SLF1: variants seen among roughly 807,000 people sequenced by gnomAD.
SLF1 encodes SMC5-SMC6 complex localization factor protein 1.
In SLF1, 105 loss-of-function variants were observed where a neutral mutation model predicts 123.0. The observed-to-expected ratio is 0.85, with a 90% CI of 0.73 to 1.00. The LOEUF (loss-of-function observed/expected upper bound fraction) is 1.00, where lower values mean the gene tolerates loss of function less well. SLF1 is among the 50% of genes least tolerant of loss of function. The probability of loss-of-function intolerance (pLI) is 0.00; values close to 1 mark genes in which losing one functional copy is unlikely to be tolerated. For synonymous variants in SLF1, 434 were observed against 406.6 expected (o/e 1.07, Z -0.81); for missense variants, 1,239 against 1,223.0 (o/e 1.01, Z -0.20).
At chr5:94,652,623 A>T (rs1222139071) in intron 7 of SLF1, among the ~76,000 whole-genome samples, 1 of 152,118 alleles carries the variant, frequency 6.6e-6, no homozygotes, top group Non-Finnish European at 1.5e-5. Flanking sequence ...AAGTTTTTGC[A>T]ATTATGAACA....
rs137881277 is a variant in SLF1 at position 94,630,576 on chromosome 5, T to C, written c.264T>C (p.Tyr88=). Residue 88 remains tyrosine (Y), a synonymous_variant, in exon 4 of 21, where the codon TAT becomes TAC. Coordinates refer to ENST00000265140, the MANE Select transcript of SLF1 (RefSeq NM_032290.4). Reference sequence around the variant, plus strand: ...GCAGATGGCTTGATGAAACAACTTATGAATGGGGATATAAAATTGAAAAAG... The same window carrying C: ...GCAGATGGCTTGATGAAACAACTTACGAATGGGGATATAAAATTGAAAAAG... The part of the protein sequence containing the change: ...KSGRWLDETT[Y]EWGYKIEKDS... 88 of 1,551,644 alleles carry C rather than the reference T, an allele frequency of 5.7e-5. No homozygotes were observed. In the African/African-American group the frequency reaches 7.9e-4, roughly 14 times the overall value.
At chr5:94,655,943 T>G (rs1366064784) in intron 9 of SLF1, among the ~76,000 whole-genome samples, 1 of 152,142 alleles carries the variant, frequency 6.6e-6, no homozygotes, top group Non-Finnish European at 1.5e-5. Flanking sequence ...TTCTTTCTTT[T>G]CCTTGCCTGA....
intron 4 of SLF1, among the ~76,000 whole-genome samples, chr5:94,637,728 G>A (rs1745977196): frequency 6.6e-6 from 1 of 152,030 alleles, no homozygotes; most frequent in African/African-American, 2.4e-5. Flanking sequence ...TTAGCATCTC[G>A]TTCCCTAAAT....
intron 5 of SLF1, among the ~76,000 whole-genome samples, chr5:94,645,098 T>C (rs1256233424): frequency 6.6e-6 from 1 of 152,180 alleles, no homozygotes; most frequent in African/African-American, 2.4e-5. Context: ...CAGTCACTAG[T>C]TAGGAATGAG....
In SLF1 at chr5:94,696,470, A is replaced by G. The variant is rs1753515620; in HGVS notation, c.*1158A>G. On this transcript the variant is annotated 3_prime_UTR_variant, in exon 21 of 21. Transcript: ENST00000265140. ...GTACTTTTTCCACACATACTCAGGAAATACTAGTTTCTATTTAGCCTTCAA... is the reference window on the plus strand; with the variant it reads ...GTACTTTTTCCACACATACTCAGGAGATACTAGTTTCTATTTAGCCTTCAA... The G allele has an allele frequency of 6.6e-6, 1 of 151,860 alleles. No homozygotes were observed. Among genetic ancestry groups the G allele is most frequent in the Non-Finnish European group, 1.5e-5 (1 of 67,852 alleles). The allele number at this position is 151,860 out of a possible 1,614,324, so 9.4% of individuals were successfully genotyped here.
At position 94,670,208 on chromosome 5, in the gene SLF1, G is replaced by A. The variant is rs184935940; in HGVS notation, c.1590G>A (p.Lys530=). 272 of 1,533,746 alleles carry A rather than the reference G, an allele frequency of 1.8e-4. No individual in the cohort carries two copies. The African/African-American group carries it at 3.3e-3, about 19-fold the overall frequency. Residue 530 remains lysine (K), a synonymous_variant, in exon 13 of 21, where the codon AAG becomes AAA. Transcript: ENST00000265140. ...AAATTTCAGAAAATATTGGCTCCAA[G>A]GTGCTCCACCTGACGCTACTCAAAT... ...CHQISENIGS[K]VLHLTLLKFF...
intron 15 of SLF1, among the ~76,000 whole-genome samples, chr5:94,680,472 T>C (rs1751638800): frequency 6.6e-6 from 1 of 152,166 alleles, no homozygotes; most frequent in Non-Finnish European, 1.5e-5. Context: ...TTTTTATCCT[T>C]TTCAGAAAAC....
intron 5 of SLF1, 87 bp from the exon 6 acceptor site, chr5:94,649,364 GTAT>G (rs1256794776): frequency 1.8e-6 from 2 of 1,088,466 alleles, no homozygotes; most frequent in Admixed American, 6.7e-5. Flanking sequence ...GACTAACAAA[GTAT>G]TATAGTTAAA....
chr5:94,663,786 T>C lies in SLF1; in HGVS notation c.1246T>C (p.Leu416=). The change falls in exon 11 of 21, where the codon TTA becomes CTA. Residue 416 remains leucine, a synonymous_variant. Coordinates refer to ENST00000265140, the MANE Select transcript of SLF1 (RefSeq NM_032290.4). ...TGAATTTCCCAGAGGTGTATTAAATTTAATTGAAAGCCTCATAGAAGGACA... is the reference window on the plus strand; with the variant it reads ...TGAATTTCCCAGAGGTGTATTAAATCTAATTGAAAGCCTCATAGAAGGACA... ...NAEFPRGVLN[L]IESLIEGHFF... 6.5e-7 allele frequency: 1 copy of C among 1,546,672 alleles called. No homozygotes were observed. The highest frequency in any genetic ancestry group is 1.2e-5 in the South Asian group (1 of 82,244).
chr5:94,666,953 C>CTT (rs34215806), intron 12 of SLF1, among the ~76,000 whole-genome samples: 14,112 of 104,472 alleles, frequency 0.14, 1,014 homozygotes, highest in East Asian at 0.29. Flanking sequence ...CTGGGAAGAT[C>CTT]TTTTTTTTTT....
intron 1 of SLF1, among the ~76,000 whole-genome samples, chr5:94,626,725 G>A (rs989517921): frequency 6.6e-6 from 1 of 152,086 alleles, no homozygotes; most frequent in Non-Finnish European, 1.5e-5. Flanking sequence ...CATAACCTCC[G>A]AATTGACTTA....
At chr5:94,624,584 A>G (rs1792066924) in intron 1 of SLF1, among the ~76,000 whole-genome samples, 1 of 152,220 alleles carries the variant, frequency 6.6e-6, no homozygotes. Flanking sequence ...AAACAGCAAC[A>G]TAGTATATGT....
At position 94,695,718 on chromosome 5, in the gene SLF1, A is replaced by G. The variant is rs1753476457; in HGVS notation, c.*406A>G. 6.6e-6 allele frequency: 1 copy of G among 152,026 alleles called. No individual in the cohort carries two copies. The highest frequency in any genetic ancestry group is 2.4e-5 in the African/African-American group (1 of 41,404). 9.4% of individuals were successfully genotyped at this position (152,026 alleles called of 1,614,324 possible). A position where few individuals can be genotyped will look rare whatever the true frequency, so the allele number is the denominator to read the frequency against. On this transcript the variant is annotated 3_prime_UTR_variant, in exon 21 of 21. Transcript: ENST00000265140. ...TACAAATGCGTACCTATAAACTTGT[A>G]GCTCCTGACTCTTAGGGATGGATTT...
At position 94,663,785 on chromosome 5, in the gene SLF1, T is replaced by C. The variant is rs1341184833; in HGVS notation, c.1245T>C (p.Asn415=). 1.9e-6 allele frequency: 3 copies of C among 1,546,674 alleles called. No individual in the cohort carries two copies. Among genetic ancestry groups the C allele is most frequent in the South Asian group, 2.4e-5 (2 of 82,278 alleles). The change falls in exon 11 of 21, where the codon AAT becomes AAC. Residue 415 remains asparagine (N), a synonymous_variant. Transcript: ENST00000265140. ...CTGAATTTCCCAGAGGTGTATTAAA[T>C]TTAATTGAAAGCCTCATAGAAGGAC... The part of the protein sequence containing the change: ...KNAEFPRGVL[N]LIESLIEGHF...
intron 7 of SLF1, among the ~76,000 whole-genome samples, 152 bp downstream of exon 7, chr5:94,651,997 G>C (rs560546494): frequency 7.1e-6 from 1 of 140,330 alleles, no homozygotes; most frequent in East Asian, 2.1e-4. Context: ...AAGACCTGCT[G>C]TATTATTTTC....
At chr5:94,664,312 A>G (rs1360745381) in intron 11 of SLF1, among the ~76,000 whole-genome samples, 1 of 152,186 alleles carries the variant, frequency 6.6e-6, no homozygotes, top group Non-Finnish European at 1.5e-5. Context: ...AAAAAGAAAT[A>G]GAGGCAAGTT....
chr5:94,681,567 T>C (rs1751771054), intron 15 of SLF1, among the ~76,000 whole-genome samples: 1 of 152,216 alleles, frequency 6.6e-6, no homozygotes, highest in Admixed American at 6.5e-5. Flanking sequence ...TACATATGTA[T>C]ACATGTGCCA....
At chr5:94,691,930 C>T in intron 19 of SLF1, 144 bp from the exon 20 acceptor site, 3 of 708,998 alleles carry the variant, frequency 4.2e-6, no homozygotes, top group South Asian at 2.7e-5. Context: ...AATATGATTA[C>T]ACCCTAGACA....
chr5:94,652,964 T>A (rs1747922226), intron 7 of SLF1, among the ~76,000 whole-genome samples: 1 of 152,170 alleles, frequency 6.6e-6, no homozygotes, highest in Admixed American at 6.5e-5. Context: ...TTCAAGCGAT[T>A]CACCTGCCTC....
Sources: gnomAD v4.1 joint callset for allele counts (sites outside exome capture counted in the v4.1 genomes callset) on GRCh38, gnomAD v4.1.1 for gene constraint, MANE v1.5 for transcripts, NCBI Gene and HGNC (gene_info 2026-07-23, HGNC 2026-07-21) for gene names.